CDK19: variants seen among roughly 807,000 people sequenced by gnomAD.
CDK19 encodes cyclin dependent kinase 19, also known as cyclin-dependent kinase 19.
A neutral mutation model predicts 68.3 loss-of-function variants in CDK19; 20 were observed. That is an observed-to-expected ratio of 0.29 (90% CI 0.21 to 0.43). CDK19 has a LOEUF of 0.43. Ranked by LOEUF, CDK19 falls within the 20% of genes least tolerant of loss-of-function variation. CDK19 has a pLI of 1.00. For synonymous variants in CDK19, 221 were observed against 222.8 expected, an observed-to-expected ratio of 0.99 and a Z score of 0.07; for missense variants, 339 against 623.5, an observed-to-expected ratio of 0.54 and a Z score of 4.86.
At chr6:110,618,057 G>A (rs1353741408) in intron 12 of CDK19, among the ~76,000 whole-genome samples, 1 of 151,764 alleles carries the variant, frequency 6.6e-6, no homozygotes, top group Non-Finnish European at 1.5e-5. Context: ...CTTTTTCCAG[G>A]AATTTTCATG....
intron 1 of CDK19, among the ~76,000 whole-genome samples, chr6:110,799,485 T>A (rs369029902): frequency 1.3e-5 from 2 of 152,348 alleles, no homozygotes; most frequent in East Asian, 3.9e-4. Flanking sequence ...ATATGTATCC[T>A]CTCGTATACT....
intron 1 of CDK19, among the ~76,000 whole-genome samples, chr6:110,770,844 C>A (rs1379330860): frequency 6.6e-6 from 1 of 152,136 alleles, no homozygotes; most frequent in Non-Finnish European, 1.5e-5. Context: ...GAGGAACTGG[C>A]CAAAACAAAC....
intron 1 of CDK19, among the ~76,000 whole-genome samples, chr6:110,777,109 TTA>T (rs1780457241): frequency 1.3e-5 from 2 of 152,294 alleles, no homozygotes; most frequent in East Asian, 1.9e-4. Context: ...AGCCAAACAA[TTA>T]TATGTGTTCT....
intron 1 of CDK19, among the ~76,000 whole-genome samples, chr6:110,786,424 T>A (rs1035342016): frequency 6.6e-6 from 1 of 152,166 alleles, no homozygotes. Flanking sequence ...CCCTGTGAAG[T>A]CATGCACAAC....
chr6:110,734,520 G>GCTCTCGCTCTCTCTCTCT (rs1777051434), intron 2 of CDK19, among the ~76,000 whole-genome samples: 1 of 85,734 alleles, frequency 1.2e-5, no homozygotes. Context: ...GGTGAGCACT[G>GCTCTCGCTCTCTCTCTCT]CTCTCTCTCT....
intron 1 of CDK19, among the ~76,000 whole-genome samples, chr6:110,786,326 C>T (rs535221007): frequency 4.6e-5 from 7 of 152,220 alleles, no homozygotes; most frequent in African/African-American, 1.4e-4. Flanking sequence ...TTAATTCTCT[C>T]GGATCTGTAT....
At chr6:110,741,578 T>C (rs1227261630) in intron 2 of CDK19, among the ~76,000 whole-genome samples, 2 of 150,966 alleles carry the variant, frequency 1.3e-5, no homozygotes, top group Non-Finnish European at 2.9e-5. Flanking sequence ...CCAAGTAAGA[T>C]AACTCAGAAA....
intron 4 of CDK19, among the ~76,000 whole-genome samples, chr6:110,660,898 CT>C (rs948961203): frequency 1.3e-5 from 2 of 152,132 alleles, no homozygotes; most frequent in African/African-American, 2.4e-5. Context: ...AGTATCAGGC[CT>C]TTAGGCTTGA....
intron 1 of CDK19, among the ~76,000 whole-genome samples, chr6:110,769,620 G>A (rs1185512134): frequency 6.6e-6 from 1 of 151,246 alleles, no homozygotes; most frequent in African/African-American, 2.4e-5. Flanking sequence ...GGGAGCAGGG[G>A]GTGGTATATG....
chr6:110,714,447 G>A (rs1775206389), intron 2 of CDK19, among the ~76,000 whole-genome samples: 2 of 152,116 alleles, frequency 1.3e-5, no homozygotes, highest in African/African-American at 4.8e-5. Context: ...GAACTCCTGG[G>A]TCATATGGTA....
At chr6:110,714,362 C>T (rs1191384912) in intron 2 of CDK19, among the ~76,000 whole-genome samples, 1 of 152,180 alleles carries the variant, frequency 6.6e-6, no homozygotes, top group Non-Finnish European at 1.5e-5. Context: ...GTGAATAATG[C>T]TGCTATAAAC....
chr6:110,718,688 T>C (rs1775594466), intron 2 of CDK19, among the ~76,000 whole-genome samples: 1 of 151,548 alleles, frequency 6.6e-6, no homozygotes, highest in Non-Finnish European at 1.5e-5. Context: ...CTAAATTATA[T>C]TTTTTAAAAT....
At chr6:110,696,421 C>A (rs1773490424) in intron 2 of CDK19, among the ~76,000 whole-genome samples, 1 of 152,152 alleles carries the variant, frequency 6.6e-6, no homozygotes, top group African/African-American at 2.4e-5. Flanking sequence ...GAAAGCATTT[C>A]CACTGAAAAC....
At chr6:110,724,992 C>CA (rs1044412124) in intron 2 of CDK19, among the ~76,000 whole-genome samples, 2 of 152,114 alleles carry the variant, frequency 1.3e-5, no homozygotes, top group Non-Finnish European at 2.9e-5. Context: ...TAAGCAAAAT[C>CA]AAAGTGTCTC....
At chr6:110,678,807 C>G (rs1212338046) in intron 2 of CDK19, among the ~76,000 whole-genome samples, 2 of 152,230 alleles carry the variant, frequency 1.3e-5, no homozygotes, top group Non-Finnish European at 2.9e-5. Flanking sequence ...TTACACATAA[C>G]TGATAACGAT....
chr6:110,815,247 G>T lies in CDK19; in HGVS notation c.-111C>A. ...CTTCTCCAACAGCCGCCTCTCGCGC[G>T]CGCGCGCGCGCCGCCCGCCGCCCGC... On this transcript the variant is annotated 5_prime_UTR_variant, in exon 1 of 13. Coordinates refer to ENST00000368911, the MANE Select transcript of CDK19 (RefSeq NM_015076.5). 8.2e-7 allele frequency: 1 copy of T among 1,214,888 alleles called. No homozygotes were observed. The highest frequency in any genetic ancestry group is 1.0e-6 in the Non-Finnish European group (1 of 958,094). 75.3% of individuals were successfully genotyped at this position (1,214,888 alleles called of 1,614,324 possible).
chr6:110,670,854 A>G (rs2114446090), intron 2 of CDK19: 1 of 449,834 alleles, frequency 2.2e-6, no homozygotes, highest in East Asian at 6.1e-5. Context: ...AATGTAAAAC[A>G]GCAAACAAAA....
At chr6:110,803,813 C>T (rs191655862) in intron 1 of CDK19, among the ~76,000 whole-genome samples, 52 of 152,182 alleles carry the variant, frequency 3.4e-4, no homozygotes, top group African/African-American at 1.1e-3. Context: ...ACAAGAAATG[C>T]AAGAATTAAT....
At chr6:110,689,426 A>C (rs1772782923) in intron 2 of CDK19, among the ~76,000 whole-genome samples, 1 of 152,144 alleles carries the variant, frequency 6.6e-6, no homozygotes, top group South Asian at 2.1e-4. Context: ...GCAAGTAAAA[A>C]TCCCACCACT....
Sources: allele counts gnomAD v4.1 joint callset (sites outside exome capture counted in the v4.1 genomes callset), GRCh38; gene constraint gnomAD v4.1.1; transcripts MANE v1.5; gene names NCBI Gene and HGNC (gene_info 2026-07-23, HGNC 2026-07-21).